The following MCC variants were observed in gnomAD, a reference collection of about 807,000 sequenced individuals.
MCC encodes the protein MCC regulator of Wnt signaling pathway.
MCC carries 90 observed loss-of-function variants against 116.2 expected under a neutral mutation model. The observed-to-expected ratio is 0.77, with a 90% confidence interval of 0.65 to 0.92. MCC has a LOEUF of 0.92. Among genes scored for constraint, MCC ranks in the 40% least tolerant of loss-of-function variants. The pLI, the probability that MCC is intolerant of heterozygous loss-of-function variation, is 0.00. For missense variants in MCC, 1,516 were observed against 1,312.2 expected (o/e 1.16, Z -2.40); for synonymous variants, 578 against 510.5 (o/e 1.13, Z -1.78).
At chr5:113,255,469 T>C (rs1764971189) in intron 3 of MCC, among the ~76,000 whole-genome samples, 1 of 152,170 alleles carries the variant, frequency 6.6e-6, no homozygotes, top group Non-Finnish European at 1.5e-5. Context: ...CGGTTGCATA[T>C]TTTTTTGTTG....
At chr5:113,144,900 G>A (rs2150287028) in intron 4 of MCC, among the ~76,000 whole-genome samples, 1 of 152,254 alleles carries the variant, frequency 6.6e-6, no homozygotes, top group Non-Finnish European at 1.5e-5. Flanking sequence ...CAAAAAATAA[G>A]CGGGAACAAA....
chr5:113,477,892 T>C (rs1314862181), intron 1 of MCC, among the ~76,000 whole-genome samples: 1 of 152,108 alleles, frequency 6.6e-6, no homozygotes, highest in African/African-American at 2.4e-5. Flanking sequence ...TCCAATTAAA[T>C]GTAACTAGGC....
chr5:113,416,825 T>G (rs534220304), intron 1 of MCC, among the ~76,000 whole-genome samples: 29 of 152,306 alleles, frequency 1.9e-4, no homozygotes, highest in African/African-American at 6.7e-4. Flanking sequence ...TATTTTACAT[T>G]TTTGACAATT....
chr5:113,150,291 C>G (rs748476132), intron 4 of MCC, among the ~76,000 whole-genome samples: 1 of 152,060 alleles, frequency 6.6e-6, no homozygotes, highest in Non-Finnish European at 1.5e-5. Flanking sequence ...CCTGAAAGTT[C>G]AAGGAAATTA....
At chr5:113,231,016 T>C (rs561733996) in intron 3 of MCC, among the ~76,000 whole-genome samples, 3 of 152,166 alleles carry the variant, frequency 2.0e-5, no homozygotes, top group East Asian at 1.9e-4. Flanking sequence ...AGAACTGATA[T>C]ACTGCAGTCA....
chr5:113,335,690 A>G (rs1388271298), intron 3 of MCC, among the ~76,000 whole-genome samples: 2 of 151,604 alleles, frequency 1.3e-5, no homozygotes, highest in Non-Finnish European at 2.9e-5. Context: ...TGCTTTACCC[A>G]TAGTTTTATG....
chr5:113,145,821 GC>G (rs1759483614), intron 4 of MCC, among the ~76,000 whole-genome samples: 1 of 150,790 alleles, frequency 6.6e-6, no homozygotes, highest in African/African-American at 2.4e-5. Context: ...ACCCTGTGGG[GC>G]TGCCCAGGAT....
chr5:113,041,948 G>T (rs1751732272), intron 17 of MCC, among the ~76,000 whole-genome samples: 1 of 152,128 alleles, frequency 6.6e-6, no homozygotes, highest in Admixed American at 6.5e-5. Flanking sequence ...AGTGAGCCGA[G>T]ATCGCACCAC....
chr5:113,044,823 C>T (rs1318035144), intron 16 of MCC, among the ~76,000 whole-genome samples: 1 of 152,252 alleles, frequency 6.6e-6, no homozygotes, highest in Admixed American at 6.5e-5. Flanking sequence ...ATCCACCCAC[C>T]TTGGCCTCCC....
At chr5:113,441,299 C>T (rs533447366) in intron 1 of MCC, among the ~76,000 whole-genome samples, 73 of 152,222 alleles carry the variant, frequency 4.8e-4, no homozygotes, top group African/African-American at 1.7e-3. Flanking sequence ...GGTGCCACTG[C>T]ACCATCTGTT....
At chr5:113,407,174 T>C (rs1406617157) in intron 1 of MCC, among the ~76,000 whole-genome samples, 1 of 152,182 alleles carries the variant, frequency 6.6e-6, no homozygotes, top group Non-Finnish European at 1.5e-5. Flanking sequence ...GCAATTGACA[T>C]AATCCTCTTA....
intron 11 of MCC, among the ~76,000 whole-genome samples, chr5:113,075,432 C>T (rs569767634): frequency 2.6e-5 from 4 of 152,326 alleles, no homozygotes; most frequent in East Asian, 1.9e-4. Context: ...GTGCATGGCA[C>T]GGGACTGGCG....
intron 5 of MCC, among the ~76,000 whole-genome samples, chr5:113,135,902 G>A (rs940965509): frequency 2.6e-5 from 4 of 152,042 alleles, no homozygotes; most frequent in African/African-American, 7.2e-5. Flanking sequence ...AAAAGTAGGC[G>A]GGCATGGTGG....
intron 3 of MCC, among the ~76,000 whole-genome samples, chr5:113,251,953 A>C (rs375573528): frequency 6.6e-6 from 1 of 152,344 alleles, no homozygotes. Flanking sequence ...TAAGGTTTCA[A>C]GACCTTAAAA....
intron 3 of MCC, among the ~76,000 whole-genome samples, chr5:113,320,688 G>T (rs998875782): frequency 9.1e-4 from 138 of 152,298 alleles, no homozygotes; most frequent in African/African-American, 3.2e-3. Context: ...TTCCAAAAAA[G>T]GTGATATCCT....
intron 15 of MCC, among the ~76,000 whole-genome samples, chr5:113,050,981 A>G (rs1174923823): frequency 6.6e-6 from 1 of 152,280 alleles, no homozygotes; most frequent in Non-Finnish European, 1.5e-5. Flanking sequence ...AGATGTGACA[A>G]GTAAACTTGT....
intron 4 of MCC, among the ~76,000 whole-genome samples, chr5:113,148,903 A>G (rs1396957484): frequency 2.0e-5 from 3 of 152,168 alleles, no homozygotes; most frequent in Non-Finnish European, 4.4e-5. Flanking sequence ...ATCAAAAGCT[A>G]TTACATGAGG....
At chr5:113,192,972 C>T (rs1037326669) in intron 3 of MCC, among the ~76,000 whole-genome samples, 2 of 152,200 alleles carry the variant, frequency 1.3e-5, no homozygotes, top group Admixed American at 6.5e-5. Context: ...AAAACCATTT[C>T]GTTAGGCCTA....
At chr5:113,135,984 G>A (rs1173188542) in intron 5 of MCC, among the ~76,000 whole-genome samples, 1 of 152,158 alleles carries the variant, frequency 6.6e-6, no homozygotes, top group Admixed American at 6.5e-5. Flanking sequence ...GGCAGAGGTT[G>A]CAGTGAGCCC....
Sources: gnomAD v4.1 joint callset for allele counts (sites outside exome capture counted in the v4.1 genomes callset) on GRCh38, gnomAD v4.1.1 for gene constraint, MANE v1.5 for transcripts, NCBI Gene and HGNC (gene_info 2026-07-23, HGNC 2026-07-21) for gene names.